The following RALYL variants were observed in gnomAD, a reference collection of about 807,000 sequenced individuals.
RALYL encodes RALY RNA binding protein like.
Under a neutral mutation model 35.1 loss-of-function variants are expected in RALYL, and 29 were observed. That is an observed-to-expected ratio of 0.83 (90% CI 0.61 to 1.13). The LOEUF (loss-of-function observed/expected upper bound fraction) is 1.13. Ranked by LOEUF, RALYL falls within the 50% of genes most tolerant of loss-of-function variation. The probability of loss-of-function intolerance (pLI) is 0.00; values close to 1 mark genes in which losing one functional copy is unlikely to be tolerated. For missense variants in RALYL, 359 were observed against 360.4 expected (o/e 1.00, Z 0.03); for synonymous variants, 120 against 127.6 (o/e 0.94, Z 0.40).
At chr8:84,779,494 A>G (rs781589490) in intron 3 of RALYL, among the ~76,000 whole-genome samples, 2 of 152,220 alleles carry the variant, frequency 1.3e-5, no homozygotes, top group African/African-American at 2.4e-5. Flanking sequence ...GTAAAAATCA[A>G]TCATCTGGTA....
chr8:84,631,274 C>T (rs1823847778), intron 2 of RALYL, among the ~76,000 whole-genome samples: 1 of 151,918 alleles, frequency 6.6e-6, no homozygotes, highest in Non-Finnish European at 1.5e-5. Flanking sequence ...TAGCTTAGTT[C>T]ATGTTGTTCT....
intron 2 of RALYL, among the ~76,000 whole-genome samples, chr8:84,725,818 A>G (rs1416915743): frequency 1.3e-5 from 2 of 151,736 alleles, no homozygotes; most frequent in African/African-American, 4.8e-5. Context: ...AATTTAGTTG[A>G]CCAATGACCC....
At chr8:84,548,925 C>T (rs1246103895) in intron 2 of RALYL, among the ~76,000 whole-genome samples, 1 of 152,104 alleles carries the variant, frequency 6.6e-6, no homozygotes, top group Non-Finnish European at 1.5e-5. Flanking sequence ...AAAGTCAAAA[C>T]CTCTCTAGAA....
chr8:84,571,793 GT>G (rs1205618676), intron 2 of RALYL, among the ~76,000 whole-genome samples: 4 of 151,432 alleles, frequency 2.6e-5, no homozygotes, highest in Non-Finnish European at 4.4e-5. Context: ...TATTCCAGAG[GT>G]TTTTGTTTAT....
intron 1 of RALYL, among the ~76,000 whole-genome samples, chr8:84,352,475 C>T (rs1586535917): frequency 6.7e-6 from 1 of 150,236 alleles, no homozygotes; most frequent in East Asian, 1.9e-4. Context: ...TTGTAATATT[C>T]CTGAGAGTGT....
At chr8:84,605,484 C>T (rs1816907215) in intron 2 of RALYL, among the ~76,000 whole-genome samples, 1 of 152,178 alleles carries the variant, frequency 6.6e-6, no homozygotes, top group African/African-American at 2.4e-5. Flanking sequence ...CTCCATTCAC[C>T]TGGTGCTCAT....
intron 1 of RALYL, among the ~76,000 whole-genome samples, chr8:84,497,390 A>C (rs943441894): frequency 4.6e-5 from 7 of 152,156 alleles, no homozygotes; most frequent in Non-Finnish European, 8.8e-5. Flanking sequence ...TTATTTGATG[A>C]ACCAAAATTA....
At chr8:84,253,143 G>C (rs150190341) in intron 1 of RALYL, among the ~76,000 whole-genome samples, 1 of 123,606 alleles carries the variant, frequency 8.1e-6, no homozygotes, top group African/African-American at 3.1e-5. Flanking sequence ...ATAAATATGC[G>C]TTTGTGTGTA....
At chr8:84,881,250 A>G (rs1563801366) in intron 7 of RALYL, among the ~76,000 whole-genome samples, 1 of 152,010 alleles carries the variant, frequency 6.6e-6, no homozygotes, top group Admixed American at 6.6e-5. Flanking sequence ...AATGGAATTT[A>G]TTGGAACCAT....
intron 2 of RALYL, among the ~76,000 whole-genome samples, chr8:84,549,559 C>A (rs1650399707): frequency 6.6e-6 from 1 of 152,140 alleles, no homozygotes; most frequent in African/African-American, 2.4e-5. Flanking sequence ...TTTGCCTCTC[C>A]CCTGATAAGG....
chr8:84,671,060 C>A (rs1462423577), intron 2 of RALYL, among the ~76,000 whole-genome samples: 1 of 152,124 alleles, frequency 6.6e-6, no homozygotes, highest in East Asian at 1.9e-4. Context: ...GGTAAATACA[C>A]CTGTTCCAAA....
intron 7 of RALYL, among the ~76,000 whole-genome samples, chr8:84,881,127 C>T (rs766506969): frequency 6.6e-6 from 1 of 151,828 alleles, no homozygotes; most frequent in Non-Finnish European, 1.5e-5. Context: ...CCATTTCCTC[C>T]AAAAATGTAC....
chr8:84,535,726 G>C (rs1299877244), intron 2 of RALYL, among the ~76,000 whole-genome samples: 1 of 151,382 alleles, frequency 6.6e-6, no homozygotes, highest in Non-Finnish European at 1.5e-5. Flanking sequence ...CGCCCACCTC[G>C]GCCTCCCAAA....
intron 1 of RALYL, among the ~76,000 whole-genome samples, chr8:84,514,532 C>T (rs1375871392): frequency 6.6e-6 from 1 of 152,158 alleles, no homozygotes; most frequent in Admixed American, 6.5e-5. Context: ...GTTGTGTACT[C>T]ACACAGTGAA....
intron 2 of RALYL, among the ~76,000 whole-genome samples, chr8:84,724,369 C>T (rs538557488): frequency 6.6e-6 from 1 of 151,860 alleles, no homozygotes; most frequent in African/African-American, 2.4e-5. Context: ...AATTCATCAT[C>T]ATGTATTCAC....
At chr8:84,192,578 G>A (rs1010002301) in intron 1 of RALYL, among the ~76,000 whole-genome samples, 1 of 150,738 alleles carries the variant, frequency 6.6e-6, no homozygotes, top group Non-Finnish European at 1.5e-5. Flanking sequence ...CTTTTTTTGA[G>A]ACAAAGTCTT....
chr8:84,650,688 G>C (rs564581416), intron 2 of RALYL, among the ~76,000 whole-genome samples: 11 of 151,912 alleles, frequency 7.2e-5, no homozygotes, highest in East Asian at 1.9e-4. Flanking sequence ...TCTAGAACTA[G>C]AAATACCATT....
intron 6 of RALYL, among the ~76,000 whole-genome samples, chr8:84,871,488 C>T (rs896597483): frequency 6.6e-6 from 1 of 152,086 alleles, no homozygotes; most frequent in African/African-American, 2.4e-5. Flanking sequence ...AAATTTGATA[C>T]GTTTAAGTAA....
chr8:84,223,273 T>G (rs1317354721), intron 1 of RALYL, among the ~76,000 whole-genome samples: 1 of 147,938 alleles, frequency 6.8e-6, no homozygotes, highest in East Asian at 2.0e-4. Context: ...CTCTTTTAAA[T>G]GTCTAGAATT....
Sources: allele counts gnomAD v4.1 joint callset (sites outside exome capture counted in the v4.1 genomes callset), GRCh38; gene constraint gnomAD v4.1.1; transcripts MANE v1.5; gene names NCBI Gene and HGNC (gene_info 2026-07-23, HGNC 2026-07-21).